The following RNF150 variants were observed in gnomAD, a reference collection of about 807,000 sequenced individuals.
RNF150 encodes ring finger protein 150.
A neutral mutation model predicts 39.3 loss-of-function variants in RNF150; 24 were observed. The ratio of observed to expected loss-of-function variants is 0.61; its 90% CI spans 0.44 to 0.86. RNF150 has a LOEUF of 0.86. Among genes scored for constraint, RNF150 ranks in the 40% least tolerant of loss-of-function variants. The probability of loss-of-function intolerance (pLI) is 0.00; values close to 1 mark genes in which losing one functional copy is unlikely to be tolerated. For missense variants in RNF150, 502 were observed against 587.8 expected (o/e 0.85, Z 1.51); for synonymous variants, 255 against 227.3 (o/e 1.12, Z -1.10).
intron 1 of RNF150, among the ~76,000 whole-genome samples, chr4:141,086,101 CAGAA>C (rs1275872393): frequency 6.6e-6 from 1 of 151,480 alleles, no homozygotes; most frequent in Non-Finnish European, 1.5e-5. Flanking sequence ...GCAGGACAAA[CAGAA>C]AGGGCAACCA....
At position 140,865,029 on chromosome 4, in the gene RNF150, C is replaced by A. The variant is rs1182187313; in HGVS notation, c.*3232G>T. ...TAACCTTCTTTTCTTTTGTAAGGGT[C>A]GGGGGATCTTGTGAGAATACTGGAG... On this transcript the variant is annotated 3_prime_UTR_variant, in exon 7 of 7. Transcript: ENST00000515673. 2.0e-5 allele frequency: 3 copies of A among 152,080 alleles called. No individual in the cohort carries two copies. The highest frequency in any genetic ancestry group is 2.9e-5 in the Non-Finnish European group (2 of 68,046). 9.4% of individuals were successfully genotyped at this position (152,080 alleles called of 1,614,324 possible). A position where few individuals can be genotyped will look rare whatever the true frequency, so the allele number is the denominator to read the frequency against.
chr4:140,967,174 G>A (rs930365249), intron 2 of RNF150, among the ~76,000 whole-genome samples: 5 of 152,068 alleles, frequency 3.3e-5, no homozygotes, highest in African/African-American at 1.2e-4. Context: ...ACATGGGAAG[G>A]CAATTACTTT....
intron 6 of RNF150, among the ~76,000 whole-genome samples, chr4:140,903,265 T>G (rs1205368602): frequency 6.6e-6 from 1 of 152,188 alleles, no homozygotes; most frequent in Non-Finnish European, 1.5e-5. Context: ...TCCAATAATG[T>G]TCTAATAGTG....
chr4:140,959,738 T>C (rs1348383759), intron 2 of RNF150, among the ~76,000 whole-genome samples: 1 of 151,896 alleles, frequency 6.6e-6, no homozygotes, highest in Non-Finnish European at 1.5e-5. Flanking sequence ...TCCCTCAGAG[T>C]GTCATTGTGC....
chr4:140,947,523 C>A, intron 4 of RNF150, 131 bp downstream of exon 4: 2 of 701,328 alleles, frequency 2.9e-6, no homozygotes, highest in Non-Finnish European at 5.1e-6. Flanking sequence ...GGGTTGTCTG[C>A]AATAGAAACA....
At chr4:140,997,590 C>T (rs1445883201) in intron 1 of RNF150, among the ~76,000 whole-genome samples, 1 of 146,634 alleles carries the variant, frequency 6.8e-6, no homozygotes, top group African/African-American at 2.5e-5. Context: ...TGGTTTTGAC[C>T]CTTAATCCCA....
chr4:140,952,692 G>A (rs948450992), intron 2 of RNF150, among the ~76,000 whole-genome samples: 2 of 152,166 alleles, frequency 1.3e-5, no homozygotes, highest in African/African-American at 4.8e-5. Flanking sequence ...TTAGAAAGAC[G>A]AATTCCATTA....
chr4:141,075,741 G>A (rs114782614), intron 1 of RNF150, among the ~76,000 whole-genome samples: 1,961 of 152,140 alleles, frequency 0.013, 55 homozygotes, highest in African/African-American at 0.045. Flanking sequence ...TAAAATTGCT[G>A]TGTCATTCTT....
At chr4:141,087,491 T>G (rs1468546786) in intron 1 of RNF150, among the ~76,000 whole-genome samples, 2 of 147,708 alleles carry the variant, frequency 1.4e-5, no homozygotes, top group Non-Finnish European at 3.0e-5. Context: ...TCTAATGACT[T>G]CTTTCACTTC....
At chr4:141,023,233 T>C (rs1735564543) in intron 1 of RNF150, among the ~76,000 whole-genome samples, 1 of 151,738 alleles carries the variant, frequency 6.6e-6, no homozygotes. Context: ...GAGATGATGA[T>C]GATGATGATG....
intron 1 of RNF150, among the ~76,000 whole-genome samples, chr4:141,046,356 G>T (rs1736575667): frequency 6.6e-6 from 1 of 152,130 alleles, no homozygotes; most frequent in Non-Finnish European, 1.5e-5. Context: ...TTCATGACTG[G>T]ACTAGAGTAC....
intron 1 of RNF150, among the ~76,000 whole-genome samples, chr4:140,979,286 A>T (rs1366475592): frequency 6.6e-6 from 1 of 152,158 alleles, no homozygotes; most frequent in East Asian, 1.9e-4. Context: ...ACAGTATAGG[A>T]GACTATGAGA....
At chr4:141,151,457 CACACAG>C (rs201241361) in intron 1 of RNF150, among the ~76,000 whole-genome samples, 9 of 6,596 alleles carry the variant, frequency 1.4e-3, no homozygotes, top group Non-Finnish European at 6.8e-3. Context: ...CACACACACA[CACACAG>C]ACACACACAC....
chr4:141,012,658 C>T (rs1735115125), intron 1 of RNF150, among the ~76,000 whole-genome samples: 3 of 151,360 alleles, frequency 2.0e-5, no homozygotes, highest in African/African-American at 4.9e-5. Context: ...TGGCACGTGC[C>T]TGTAGTGACA....
chr4:141,020,866 G>A (rs1735464382), intron 1 of RNF150, among the ~76,000 whole-genome samples: 1 of 152,150 alleles, frequency 6.6e-6, no homozygotes, highest in African/African-American at 2.4e-5. Context: ...CATTGCATTG[G>A]ACGTGAAAAT....
chr4:141,089,411 G>T (rs79256841), intron 1 of RNF150, among the ~76,000 whole-genome samples: 1 of 152,110 alleles, frequency 6.6e-6, no homozygotes, highest in African/African-American at 2.4e-5. Context: ...CCAGCCAACT[G>T]GGGGGAGGGG....
chr4:140,940,478 T>C, intron 4 of RNF150, among the ~76,000 whole-genome samples: 1 of 152,210 alleles, frequency 6.6e-6, no homozygotes, highest in Non-Finnish European at 1.5e-5. Context: ...TATATATTAA[T>C]TAAAAATGAT....
chr4:140,987,101 T>A (rs1470857810), intron 1 of RNF150, among the ~76,000 whole-genome samples: 3 of 151,884 alleles, frequency 2.0e-5, no homozygotes, highest in African/African-American at 7.2e-5. Context: ...CTACAAAACA[T>A]GGCTGAAAGA....
At chr4:140,976,581 G>A (rs114053046) in intron 1 of RNF150, among the ~76,000 whole-genome samples, 2,783 of 151,942 alleles carry the variant, frequency 0.018, 93 homozygotes, top group African/African-American at 0.063. Flanking sequence ...CTTCAAAGAC[G>A]TCATTTTCCA....
Sources: allele counts gnomAD v4.1 joint callset (sites outside exome capture counted in the v4.1 genomes callset), GRCh38; gene constraint gnomAD v4.1.1; transcripts MANE v1.5; gene names NCBI Gene and HGNC (gene_info 2026-07-23, HGNC 2026-07-21).